TATDN1: variants seen among roughly 807,000 people sequenced by gnomAD.
The protein encoded by TATDN1 is deoxyribonuclease TATDN1.
Under a neutral mutation model 46.4 loss-of-function variants are expected in TATDN1, and 40 were observed. The ratio of observed to expected loss-of-function variants is 0.86; its 90% CI spans 0.67 to 1.12. TATDN1 has a LOEUF of 1.12. Ranked by LOEUF, TATDN1 falls within the 50% of genes most tolerant of loss-of-function variation. The probability of loss-of-function intolerance (pLI) is 0.00; values close to 1 mark genes in which losing one functional copy is unlikely to be tolerated. For missense variants in TATDN1, 326 were observed against 348.4 expected, an observed-to-expected ratio of 0.94 and a Z score of 0.51; for synonymous variants, 95 against 105.6, an observed-to-expected ratio of 0.90 and a Z score of 0.62.
intron 1 of TATDN1, among the ~76,000 whole-genome samples, chr8:124,527,137 A>G (rs1277750185): frequency 6.6e-6 from 1 of 152,250 alleles, no homozygotes; most frequent in Non-Finnish European, 1.5e-5. Flanking sequence ...GGAGTTTTAC[A>G]CTAAATGGGC....
At chr8:124,495,231 A>G in intron 10 of TATDN1, 3 of 500,432 alleles carry the variant, frequency 6.0e-6, no homozygotes, top group Non-Finnish European at 1.0e-5. Flanking sequence ...CCTGAGTTAT[A>G]TTCTGGCATC....
Position 124,504,267 on chromosome 8 carries a change from G to T in TATDN1, c.593+4C>A, listed in dbSNP as rs375921190. ...TTAAAAACCAAAGCAACCTAAGAAC[G>T]TACCAACCATTAAATCCTATATAAA... On this transcript the variant is annotated splice_donor_region_variant and intron_variant, in intron 9 of 11. Transcript: ENST00000276692. The T allele has an allele frequency of 5.1e-5, 81 of 1,592,022 alleles. No individual in the cohort carries two copies. The highest frequency in any genetic ancestry group is 8.2e-5 in the South Asian group (7 of 85,820).
intron 4 of TATDN1, among the ~76,000 whole-genome samples, chr8:124,517,950 G>A (rs570733402): frequency 1.3e-5 from 2 of 152,080 alleles, no homozygotes; most frequent in Non-Finnish European, 2.9e-5. Context: ...GGTGGCTCAC[G>A]CCTGTAATCC....
chr8:124,537,510 C>G (rs545225541), intron 1 of TATDN1, among the ~76,000 whole-genome samples: 2 of 152,010 alleles, frequency 1.3e-5, no homozygotes, highest in Non-Finnish European at 2.9e-5. Flanking sequence ...TCCTGAGGAG[C>G]GTAAATGAAA....
chr8:124,522,918 T>A lies in TATDN1; in HGVS notation c.88+19A>T. The stretch of plus-strand genomic sequence containing the variant: ...TGTCTTCATAGGAAACTATTCGCCT[T>A]AATAAAGGAAATATTTACCTTGATG... On this transcript the variant is annotated intron_variant, in intron 2 of 11. Coordinates refer to ENST00000276692, the MANE Select transcript of TATDN1 (RefSeq NM_032026.4). 1 of 1,605,530 alleles carries A rather than the reference T, an allele frequency of 6.2e-7. No homozygotes were observed. The highest frequency in any genetic ancestry group is 8.5e-7 in the Non-Finnish European group (1 of 1,172,606).
At chr8:124,536,584 G>A (rs1267020674) in intron 1 of TATDN1, among the ~76,000 whole-genome samples, 13 of 152,144 alleles carry the variant, frequency 8.5e-5, no homozygotes, top group Non-Finnish European at 1.6e-4. Flanking sequence ...ATAGTTCTAA[G>A]GGGCAGCCAC....
chr8:124,490,022 CT>C (rs1306531081), intron 11 of TATDN1: 1 of 152,156 alleles, frequency 6.6e-6, no homozygotes, highest in African/African-American at 2.4e-5. Flanking sequence ...TCAAGATACA[CT>C]AAAAGCAAAT....
chr8:124,507,797 A>C (rs1818632428), intron 8 of TATDN1, among the ~76,000 whole-genome samples: 1 of 151,882 alleles, frequency 6.6e-6, no homozygotes, highest in South Asian at 2.1e-4. Context: ...AAAAAAAAAA[A>C]AACAAAAAAC....
rs113833854 is a variant in TATDN1, at chr8:124,518,385, G to A, written c.202+433C>T. On this transcript the variant is annotated intron_variant, in intron 4 of 11. Transcript: ENST00000276692. The stretch of plus-strand genomic sequence containing the variant: ...TAAAAATACAAAAAATTAGCCTGGC[G>A]TGGTGGCGGGCGCCTGTAGTCCCAG... Among the ~76,000 whole-genome samples, 675 of 147,664 alleles carry A rather than the reference G, an allele frequency of 4.6e-3. 6 individuals are homozygous for A. Among genetic ancestry groups the A allele is most frequent in the African/African-American group, 0.016 (634 of 39,986 alleles).
chr8:124,513,739 T>A (rs567842351), intron 6 of TATDN1, among the ~76,000 whole-genome samples: 1 of 152,220 alleles, frequency 6.6e-6, no homozygotes, highest in Non-Finnish European at 1.5e-5. Flanking sequence ...AAAAGTCATA[T>A]GGGCAAAAAA....
intron 1 of TATDN1, among the ~76,000 whole-genome samples, chr8:124,536,223 A>C (rs989784448): frequency 1.3e-5 from 2 of 152,218 alleles, no homozygotes; most frequent in Non-Finnish European, 2.9e-5. Context: ...ATAGAATTCC[A>C]CTTGTGGAGA....
At chr8:124,509,434 A>G (rs1172192920) in intron 6 of TATDN1, among the ~76,000 whole-genome samples, 2 of 152,226 alleles carry the variant, frequency 1.3e-5, no homozygotes, top group Admixed American at 1.3e-4. Context: ...GTCCCGGAGT[A>G]TAATGACAAT....
At chr8:124,488,977 G>A (rs899785577) in intron 11 of TATDN1, 2 of 351,788 alleles carry the variant, frequency 5.7e-6, no homozygotes, top group Non-Finnish European at 1.0e-5. Context: ...AGCATTAACT[G>A]AGTGGAAATG....
chr8:124,515,617 T>C, intron 6 of TATDN1, 129 bp downstream of exon 6: 1 of 817,434 alleles, frequency 1.2e-6, no homozygotes, highest in Middle Eastern at 3.7e-4. Flanking sequence ...TTTCACTTAC[T>C]TTTGATATAC....
chr8:124,524,595 C>G (rs965073691), intron 1 of TATDN1, among the ~76,000 whole-genome samples: 3 of 152,146 alleles, frequency 2.0e-5, no homozygotes, highest in African/African-American at 7.2e-5. Flanking sequence ...TCTTCTAGAC[C>G]ATTTCCCCTT....
At position 124,525,003 on chromosome 8, in the gene TATDN1, C is replaced by T. The variant is rs551418889; in HGVS notation, c.23-2001G>A. ...AGTATAGTCTCTGGGTTTATCTGGG[C>T]AGACAGAAATGCAGGAAGACTCCTT... On this transcript the variant is annotated intron_variant, in intron 1 of 11. Coordinates refer to ENST00000276692, the MANE Select transcript of TATDN1 (RefSeq NM_032026.4). Among the ~76,000 whole-genome samples, 10 of 152,212 alleles carry T rather than the reference C, an allele frequency of 6.6e-5. No homozygotes were observed. In the East Asian group the frequency reaches 1.9e-3, roughly 29 times the overall value.
At chr8:124,508,350 T>TTG in intron 8 of TATDN1, 124 bp downstream of exon 8, 1 of 719,614 alleles carries the variant, frequency 1.4e-6, no homozygotes, top group Non-Finnish European at 2.3e-6. Flanking sequence ...AAAGCAAAGG[T>TTG]GTCATTATCT....
chr8:124,499,374 C>T (rs750515624), intron 9 of TATDN1, among the ~76,000 whole-genome samples: 4 of 152,116 alleles, frequency 2.6e-5, no homozygotes, highest in Non-Finnish European at 5.9e-5. Context: ...CTCACTAAAT[C>T]ATGTCTGATT....
intron 4 of TATDN1, among the ~76,000 whole-genome samples, chr8:124,518,098 G>C (rs1436658855): frequency 6.6e-6 from 1 of 150,800 alleles, no homozygotes; most frequent in Non-Finnish European, 1.5e-5. Context: ...TGTAGTCCCA[G>C]CTACATGGGA....
Sources: allele counts gnomAD v4.1 joint callset (sites outside exome capture counted in the v4.1 genomes callset), GRCh38; gene constraint gnomAD v4.1.1; transcripts MANE v1.5; gene names NCBI Gene and HGNC (gene_info 2026-07-23, HGNC 2026-07-21).